The following CTNND2 variants were observed in gnomAD, a reference collection of about 807,000 sequenced individuals.
CTNND2 encodes the protein catenin delta 2, also known as catenin delta-2.
CTNND2 carries 22 observed loss-of-function variants against 144.4 expected under a neutral mutation model. That is an observed-to-expected ratio of 0.15 (90% CI 0.11 to 0.22). CTNND2 has a LOEUF of 0.22. Among genes scored for constraint, CTNND2 ranks in the 10% least tolerant of loss-of-function variants. The pLI is 1.00. For missense variants in CTNND2, 1,353 were observed against 1,618.8 expected, an observed-to-expected ratio of 0.84 and a Z score of 2.82; for synonymous variants, 751 against 695.6, an observed-to-expected ratio of 1.08 and a Z score of -1.25.
At chr5:11,650,916 A>T (rs527289677) in intron 2 of CTNND2, among the ~76,000 whole-genome samples, 1 of 152,332 alleles carries the variant, frequency 6.6e-6, no homozygotes, top group East Asian at 1.9e-4. Context: ...CAGAGTAAAA[A>T]AGTTCAGAAA....
At chr5:11,094,797 T>C (rs555203953) in intron 15 of CTNND2, among the ~76,000 whole-genome samples, 1 of 152,338 alleles carries the variant, frequency 6.6e-6, no homozygotes, top group South Asian at 2.1e-4. Flanking sequence ...TGATTTCCGA[T>C]AAGGACAGGG....
intron 3 of CTNND2, among the ~76,000 whole-genome samples, chr5:11,504,874 T>C (rs1235552417): frequency 6.6e-6 from 1 of 152,142 alleles, no homozygotes; most frequent in African/African-American, 2.4e-5. Flanking sequence ...TTGCTGAAGA[T>C]TCCTGCTATT....
chr5:11,038,629 T>C (rs1423335055), intron 16 of CTNND2, among the ~76,000 whole-genome samples: 1 of 152,208 alleles, frequency 6.6e-6, no homozygotes, highest in Admixed American at 6.5e-5. Context: ...ACCTAGGTAG[T>C]GGATGTGAAA....
At chr5:11,861,058 ATGACT>A (rs1388399069) in intron 1 of CTNND2, among the ~76,000 whole-genome samples, 2 of 152,250 alleles carry the variant, frequency 1.3e-5, no homozygotes, top group African/African-American at 4.8e-5. Context: ...ACTATAGAAA[ATGACT>A]TGAACAGAAA....
intron 8 of CTNND2, among the ~76,000 whole-genome samples, chr5:11,360,576 T>C (rs544278787): frequency 1.3e-5 from 2 of 152,204 alleles, no homozygotes; most frequent in South Asian, 4.1e-4. Flanking sequence ...CTTGGTGTGA[T>C]TCCATCCAAA....
At chr5:11,405,847 C>G (rs180944115) in intron 5 of CTNND2, among the ~76,000 whole-genome samples, 64 of 152,218 alleles carry the variant, frequency 4.2e-4, no homozygotes, top group African/African-American at 1.5e-3. Flanking sequence ...GACACCATGA[C>G]AAACCTCTGG....
chr5:11,651,640 G>C (rs1470395016), intron 2 of CTNND2, among the ~76,000 whole-genome samples: 1 of 152,230 alleles, frequency 6.6e-6, no homozygotes, highest in Non-Finnish European at 1.5e-5. Flanking sequence ...CACAGGGGTG[G>C]AGATGCCCAA....
intron 3 of CTNND2, among the ~76,000 whole-genome samples, chr5:11,551,432 C>CTTTTTTTTTTTT (rs70949326): frequency 2.3e-4 from 23 of 100,920 alleles, no homozygotes; most frequent in African/African-American, 4.7e-4. Context: ...TTTCTTTTTT[C>CTTTTTTTTTTTT]TTTTTTTTTT....
chr5:11,542,005 A>G (rs886442521), intron 3 of CTNND2, among the ~76,000 whole-genome samples: 16 of 152,034 alleles, frequency 1.1e-4, no homozygotes, highest in African/African-American at 3.9e-4. Context: ...TAAAAAAAAA[A>G]CTATTTTTGT....
intron 2 of CTNND2, among the ~76,000 whole-genome samples, chr5:11,679,123 T>TC (rs1784314964): frequency 6.6e-6 from 1 of 151,852 alleles, no homozygotes; most frequent in Admixed American, 6.6e-5. Context: ...CAGGAACCAA[T>TC]CAGTGTGATC....
At chr5:11,584,821 T>C (rs548170201) in intron 2 of CTNND2, among the ~76,000 whole-genome samples, 52 of 152,336 alleles carry the variant, frequency 3.4e-4, no homozygotes, top group South Asian at 8.3e-4. Context: ...TTTGTTTTTT[T>C]GAGCAGAACT....
chr5:11,602,082 A>C (rs3909889), intron 2 of CTNND2, among the ~76,000 whole-genome samples: 5,023 of 152,200 alleles, frequency 0.033, 160 homozygotes, highest in African/African-American at 0.079. Context: ...TAATAAAGGG[A>C]TGTAAAGCAC....
chr5:11,295,782 G>A (rs1431218372), intron 9 of CTNND2, among the ~76,000 whole-genome samples: 2 of 152,148 alleles, frequency 1.3e-5, no homozygotes, highest in Non-Finnish European at 2.9e-5. Flanking sequence ...CTAGCCATAT[G>A]TAGAAAGCTG....
At chr5:11,800,172 A>G (rs1353698902) in intron 1 of CTNND2, among the ~76,000 whole-genome samples, 2 of 152,188 alleles carry the variant, frequency 1.3e-5, no homozygotes, top group Non-Finnish European at 2.9e-5. Context: ...TGTTGAGAAA[A>G]TATTTGTTGA....
intron 3 of CTNND2, among the ~76,000 whole-genome samples, chr5:11,466,781 C>G (rs1201233546): frequency 6.6e-6 from 1 of 152,160 alleles, no homozygotes; most frequent in Admixed American, 6.5e-5. Flanking sequence ...GACGCCATCT[C>G]CTGCCTTTTA....
At chr5:11,691,248 G>A (rs1332852519) in intron 2 of CTNND2, among the ~76,000 whole-genome samples, 2 of 152,004 alleles carry the variant, frequency 1.3e-5, no homozygotes, top group Non-Finnish European at 2.9e-5. Context: ...GTGGGTGCCT[G>A]TAGTCCCAGT....
At chr5:11,845,258 A>G (rs1280962132) in intron 1 of CTNND2, among the ~76,000 whole-genome samples, 2 of 152,178 alleles carry the variant, frequency 1.3e-5, no homozygotes, top group Non-Finnish European at 2.9e-5. Flanking sequence ...TAACTGCTAT[A>G]TCACTCACCC....
intron 20 of CTNND2, among the ~76,000 whole-genome samples, chr5:10,986,272 A>G (rs1431312912): frequency 6.6e-6 from 1 of 152,246 alleles, no homozygotes; most frequent in Non-Finnish European, 1.5e-5. Flanking sequence ...ATTATGTGCC[A>G]TTGGAACTGT....
chr5:11,901,563 G>A (rs1281469310), intron 1 of CTNND2, among the ~76,000 whole-genome samples: 2 of 152,044 alleles, frequency 1.3e-5, no homozygotes, highest in South Asian at 2.1e-4. Flanking sequence ...CTTTTATTAC[G>A]AACAATGAAA....
Sources: allele counts gnomAD v4.1 joint callset (sites outside exome capture counted in the v4.1 genomes callset), GRCh38; gene constraint gnomAD v4.1.1; transcripts MANE v1.5; gene names NCBI Gene and HGNC (gene_info 2026-07-23, HGNC 2026-07-21).